The following UMAD1 variants were observed in gnomAD, a reference collection of about 807,000 sequenced individuals.
UMAD1 encodes UBAP1-MVB12-associated (UMA)-domain containing protein 1.
In UMAD1, 8 loss-of-function variants were observed where a neutral mutation model predicts 6.1. The ratio of observed to expected loss-of-function variants is 1.30; its 90% CI spans 0.76 to 2.35. The LOEUF is 2.35. UMAD1 is among the 30% of genes most tolerant of loss of function. The pLI is 0.00. For missense variants in UMAD1, 130 were observed against 78.4 expected (o/e 1.66, Z -2.49); for synonymous variants, 56 against 31.4 (o/e 1.78, Z -2.61).
chr7:7,814,045 G>T (rs570969508), intron 3 of UMAD1, among the ~76,000 whole-genome samples: 1 of 151,844 alleles, frequency 6.6e-6, no homozygotes, highest in African/African-American at 2.4e-5. Context: ...GCACAGTGGC[G>T]TGATCTCGGC....
intron 3 of UMAD1, among the ~76,000 whole-genome samples, chr7:7,816,227 C>G (rs1783123236): frequency 6.6e-6 from 1 of 152,158 alleles, no homozygotes; most frequent in South Asian, 2.1e-4. Context: ...GGAATTGAGA[C>G]TTGCGCCTGA....
chr7:7,657,487 G>T (rs1296146261), intron 1 of UMAD1, among the ~76,000 whole-genome samples: 1 of 152,126 alleles, frequency 6.6e-6, no homozygotes, highest in Non-Finnish European at 1.5e-5. Flanking sequence ...GTTAATTTTT[G>T]TATAAGGTGT....
chr7:7,662,159 C>T (rs1785490606), intron 1 of UMAD1, among the ~76,000 whole-genome samples: 1 of 152,120 alleles, frequency 6.6e-6, no homozygotes, highest in South Asian at 2.1e-4. Flanking sequence ...TGCCCTTCCC[C>T]CCACCAAGCT....
intron 2 of UMAD1, among the ~76,000 whole-genome samples, chr7:7,735,157 A>G (rs893640045): frequency 3.3e-5 from 5 of 152,206 alleles, no homozygotes; most frequent in Admixed American, 2.6e-4. Context: ...CCTTAAATTA[A>G]TATTGTTGCA....
At chr7:7,744,293 A>G (rs1364222429) in intron 2 of UMAD1, among the ~76,000 whole-genome samples, 1 of 152,202 alleles carries the variant, frequency 6.6e-6, no homozygotes, top group East Asian at 1.9e-4. Context: ...TTGTACGGCT[A>G]TCCCACATTT....
At chr7:7,862,796 T>G (rs1172028529) in intron 3 of UMAD1, among the ~76,000 whole-genome samples, 1 of 152,148 alleles carries the variant, frequency 6.6e-6, no homozygotes, top group Non-Finnish European at 1.5e-5. Flanking sequence ...ATAAAGAAAT[T>G]GCTAAACTTG....
chr7:7,844,199 G>A (rs756901966), intron 3 of UMAD1, among the ~76,000 whole-genome samples: 2 of 152,102 alleles, frequency 1.3e-5, no homozygotes, highest in Non-Finnish European at 2.9e-5. Context: ...CCTGTATGCC[G>A]TCACTTGCAG....
chr7:7,783,155 T>C (rs1782384655), intron 2 of UMAD1, among the ~76,000 whole-genome samples: 1 of 152,188 alleles, frequency 6.6e-6, no homozygotes, highest in Admixed American at 6.5e-5. Context: ...AGGGTCTCAT[T>C]TAATCCTTGT....
At chr7:7,864,451 C>T (rs1417821777) in intron 3 of UMAD1, among the ~76,000 whole-genome samples, 1 of 151,856 alleles carries the variant, frequency 6.6e-6, no homozygotes, top group Non-Finnish European at 1.5e-5. Context: ...GGGCACCATC[C>T]CATCACAGGG....
intron 2 of UMAD1, among the ~76,000 whole-genome samples, chr7:7,728,017 C>G (rs1464624588): frequency 1.3e-5 from 2 of 152,116 alleles, no homozygotes; most frequent in Non-Finnish European, 1.5e-5. Flanking sequence ...AGAACCCTGA[C>G]TAATACACCA....
At position 7,647,718 on chromosome 7, in the gene UMAD1, T is replaced by C. The variant is rs898108185; in HGVS notation, c.-64+6897T>C. Among the ~76,000 whole-genome samples the C allele has an allele frequency of 3.9e-5, 6 of 152,164 alleles. No homozygotes were observed. The South Asian group carries it at 1.2e-3, about 32-fold the overall frequency. On this transcript the variant is annotated intron_variant, in intron 1 of 3. Coordinates refer to ENST00000682710, the MANE Select transcript of UMAD1 (RefSeq NM_001302348.2). Reference sequence around the variant, plus strand: ...GAACTCCTGAGCTCAAGGCTCAGCTTTCTGAGTAGCTGGGACTGCAGGCAC... The same window carrying C: ...GAACTCCTGAGCTCAAGGCTCAGCTCTCTGAGTAGCTGGGACTGCAGGCAC...
chr7:7,837,435 T>G (rs1175490288), intron 3 of UMAD1, among the ~76,000 whole-genome samples: 1 of 152,132 alleles, frequency 6.6e-6, no homozygotes, highest in Non-Finnish European at 1.5e-5. Context: ...GAAACAATAA[T>G]GTAATGGCTT....
At chr7:7,781,246 T>C (rs1162294364) in intron 2 of UMAD1, among the ~76,000 whole-genome samples, 3 of 152,186 alleles carry the variant, frequency 2.0e-5, no homozygotes, top group Non-Finnish European at 4.4e-5. Context: ...TGATCTGCCT[T>C]CTTTCCAGTT....
intron 3 of UMAD1, among the ~76,000 whole-genome samples, chr7:7,848,526 C>T (rs1359122877): frequency 1.3e-5 from 2 of 152,018 alleles, no homozygotes; most frequent in Non-Finnish European, 2.9e-5. Flanking sequence ...TCAAATAACA[C>T]TTATGGTGTT....
intron 2 of UMAD1, among the ~76,000 whole-genome samples, chr7:7,791,515 A>G (rs1046332441): frequency 1.3e-5 from 2 of 152,246 alleles, no homozygotes; most frequent in African/African-American, 4.8e-5. Flanking sequence ...TACAAAATTA[A>G]TTTGGCCTTT....
Position 7,796,244 on chromosome 7 carries a change from C to CTTTTTTTTT in UMAD1, c.83-5410_83-5402dup, listed in dbSNP as rs59221325. Among the ~76,000 whole-genome samples the CTTTTTTTTT allele has an allele frequency of 5.3e-3, 337 of 63,934 alleles. 52 individuals carry two copies. Among genetic ancestry groups the CTTTTTTTTT allele is most frequent in the African/African-American group, 0.028 (286 of 10,228 alleles). The allele number at this position is 63,934 out of a possible 152,430, so 41.9% of individuals were successfully genotyped here. On this transcript the variant is annotated intron_variant, in intron 2 of 3. Transcript: ENST00000682710. ...ACTTTGACCCATTTCTATTTTCTTT[C>CTTTTTTTTT]TTTTTTTTTTTTTTTTTTTTTTTTG...
chr7:7,640,792 T>C lies in UMAD1; in HGVS notation c.-93T>C. The C allele has an allele frequency of 9.5e-6, 2 of 211,204 alleles. No homozygotes were observed. Among genetic ancestry groups the C allele is most frequent in the South Asian group, 1.2e-4 (2 of 16,132 alleles). The allele number at this position is 211,204 out of a possible 1,614,324, so 13.1% of individuals were successfully genotyped here. The stretch of plus-strand genomic sequence containing the variant: ...GTGGGGTGTGAAGCTCCGGTGCTGG[T>C]GCGGCGGGGGACTGCGGGGCCAGCC... On this transcript the variant is annotated 5_prime_UTR_variant, in exon 1 of 4. Transcript: ENST00000682710.
chr7:7,753,987 C>G (rs1450877940), intron 2 of UMAD1, among the ~76,000 whole-genome samples: 1 of 152,060 alleles, frequency 6.6e-6, no homozygotes, highest in African/African-American at 2.4e-5. Flanking sequence ...AGTTCGAGAC[C>G]AGCCTGACCA....
chr7:7,694,802 G>C (rs993137034), intron 2 of UMAD1, among the ~76,000 whole-genome samples: 12 of 152,090 alleles, frequency 7.9e-5, no homozygotes, highest in Non-Finnish European at 1.5e-4. Context: ...AGATACTTAG[G>C]TTGATTCCAA....
Sources: gnomAD v4.1 joint callset for allele counts (sites outside exome capture counted in the v4.1 genomes callset) on GRCh38, gnomAD v4.1.1 for gene constraint, MANE v1.5 for transcripts, NCBI Gene and HGNC (gene_info 2026-07-23, HGNC 2026-07-21) for gene names.